The following FANCE variants were observed in gnomAD, a reference collection of about 807,000 sequenced individuals.
FANCE encodes the protein Fanconi anemia group E protein.
FANCE carries 42 observed loss-of-function variants against 57.8 expected under a neutral mutation model. The ratio of observed to expected loss-of-function variants is 0.73; its 90% confidence interval spans 0.57 to 0.94. FANCE has a LOEUF of 0.94. Among genes scored for constraint, FANCE ranks in the 40% least tolerant of loss-of-function variants. FANCE has a pLI of 0.00. For synonymous variants in FANCE, 251 were observed against 286.4 expected (o/e 0.88, Z 1.25); for missense variants, 608 against 661.8 (o/e 0.92, Z 0.89).
chr6:35,452,804 G>A lies in FANCE; in HGVS notation c.248+11G>A. ...CGGCCGTCTGGAGCTGTAAGTCCTC[G>A]CCCGCGGCCCCTTAGCAGGTATGGG... On this transcript the variant is annotated intron_variant, in intron 1 of 9. Coordinates refer to ENST00000229769, the MANE Select transcript of FANCE (RefSeq NM_021922.3). 1 of 1,312,858 alleles carries A rather than the reference G, an allele frequency of 7.6e-7. No homozygotes were observed. The highest frequency in any genetic ancestry group is 9.8e-7 in the Non-Finnish European group (1 of 1,024,492). The allele number at this position is 1,312,858 out of a possible 1,614,324, so 81.3% of individuals were successfully genotyped here.
At chr6:35,460,922 AT>A (rs67491477) in intron 8 of FANCE, among the ~76,000 whole-genome samples, 21,459 of 146,164 alleles carry the variant, frequency 0.15, 2,482 homozygotes, top group African/African-American at 0.32. Context: ...ATGTTCACAA[AT>A]TTTTTTTTTT....
intron 7 of FANCE, 39 bp from the exon 8 acceptor site, chr6:35,460,513 G>T (rs1367299708): frequency 6.3e-7 from 1 of 1,590,856 alleles, no homozygotes; most frequent in African/African-American, 1.3e-5. Context: ...GGCTTGGGTG[G>T]GAGGCCAGGC....
Position 35,460,584 on chromosome 6 carries a change from C to T in FANCE, c.1349C>T (p.Thr450Ile), listed in dbSNP as rs201970876. 130 of 1,614,128 alleles carry T rather than the reference C, an allele frequency of 8.1e-5. No individual in the cohort carries two copies. In the South Asian group the frequency reaches 8.1e-4, roughly 10 times the overall value. ...QILELPWKEE[T>I]FLVLQSLLER... The stretch of plus-strand genomic sequence containing the variant: ...TTGGAGCTGCCCTGGAAGGAGGAAA[C>T]TTTCTTGGTGTTGCAGTCACTCCTA... Residue 450 changes from threonine to isoleucine, a missense_variant, in exon 8 of 10, where the codon ACT becomes ATT. By Grantham distance (89) the Thr-to-Ile change is moderately conservative. Coordinates refer to ENST00000229769, the MANE Select transcript of FANCE (RefSeq NM_021922.3).
At chr6:35,461,927 G>A (rs9462087) in intron 8 of FANCE, among the ~76,000 whole-genome samples, 21,803 of 151,266 alleles carry the variant, frequency 0.14, 2,921 homozygotes, top group African/African-American at 0.36. Context: ...GATTACAGGC[G>A]TGAGCCACCG....
At position 35,458,119 on chromosome 6, in the gene FANCE, G is replaced by T. The variant is rs1433982328; in HGVS notation, c.969+135G>T. The T allele has an allele frequency of 1.6e-5, 19 of 1,193,178 alleles. No individual in the cohort carries two copies. The East Asian group carries it at 4.3e-4, about 27-fold the overall frequency. 73.9% of individuals were successfully genotyped at this position (1,193,178 alleles called of 1,614,324 possible). ...GTTGTTTTCTCTCTCAGCGATAGGG[G>T]TCACCCTGTGTAGTATCTTTTAGCC... On this transcript the variant is annotated intron_variant, in intron 4 of 9. Transcript: ENST00000229769.
chr6:35,461,184 C>T (rs1289347599), intron 8 of FANCE, among the ~76,000 whole-genome samples: 1 of 152,168 alleles, frequency 6.6e-6, no homozygotes, highest in Non-Finnish European at 1.5e-5. Flanking sequence ...GCGTGCGCCA[C>T]CACACCGGCT....
chr6:35,459,597 C>T, intron 6 of FANCE, 85 bp from the exon 7 acceptor site: 1 of 1,560,164 alleles, frequency 6.4e-7, no homozygotes, highest in Non-Finnish European at 8.8e-7. Flanking sequence ...CTGTAACAGG[C>T]TGGGCATTCT....
rs1767165202 is a variant in FANCE, at chr6:35,452,811, G to A, written c.248+18G>A. Reference sequence around the variant, plus strand: ...CTGGAGCTGTAAGTCCTCGCCCGCGGCCCCTTAGCAGGTATGGGAGGCGGG... The same window carrying A: ...CTGGAGCTGTAAGTCCTCGCCCGCGACCCCTTAGCAGGTATGGGAGGCGGG... On this transcript the variant is annotated intron_variant, in intron 1 of 9. Coordinates refer to ENST00000229769, the MANE Select transcript of FANCE (RefSeq NM_021922.3). 2 of 1,312,532 alleles carry A rather than the reference G, an allele frequency of 1.5e-6. No individual in the cohort carries two copies. Among genetic ancestry groups the A allele is most frequent in the South Asian group, 2.0e-5 (1 of 48,862 alleles). 81.3% of individuals were successfully genotyped at this position (1,312,532 alleles called of 1,614,324 possible).
chr6:35,458,661 A>T (rs1409766975), intron 5 of FANCE, among the ~76,000 whole-genome samples: 1 of 147,642 alleles, frequency 6.8e-6, no homozygotes, highest in East Asian at 2.0e-4. Flanking sequence ...TTTTTGAGAG[A>T]GAGTGTCTCA....
chr6:35,467,007 T>C lies in FANCE; in HGVS notation c.*662T>C, dbSNP rs1767863873. 1 of 224,314 alleles carries C rather than the reference T, an allele frequency of 4.5e-6. No homozygotes were observed. Among genetic ancestry groups the C allele is most frequent in the East Asian group, 6.5e-5 (1 of 15,388 alleles). 13.9% of individuals were successfully genotyped at this position (224,314 alleles called of 1,614,324 possible). A position where few individuals can be genotyped will look rare whatever the true frequency, so the allele number is the denominator to read the frequency against. ...GGTCTGGGGTACCAGTGGGCTCAGA[T>C]GAAGCTCTTGTGCTCATGTATATTA... On this transcript the variant is annotated 3_prime_UTR_variant, in exon 10 of 10. Coordinates refer to ENST00000229769, the MANE Select transcript of FANCE (RefSeq NM_021922.3).
intron 7 of FANCE, among the ~76,000 whole-genome samples, chr6:35,460,326 G>C (rs1044662131): frequency 6.6e-6 from 1 of 152,208 alleles, no homozygotes; most frequent in Admixed American, 6.5e-5. Flanking sequence ...ATGTTGGCCA[G>C]GCTGGTCTTG....
At chr6:35,457,482 G>C in intron 2 of FANCE, 74 bp from the exon 3 acceptor site, 20 of 1,553,680 alleles carry the variant, frequency 1.3e-5, no homozygotes, top group Non-Finnish European at 1.7e-5. Context: ...CTTTTCAGTA[G>C]GGGGAGCCAG....
intron 9 of FANCE, 55 bp from the exon 10 acceptor site, chr6:35,466,189 G>A (rs1767828060): frequency 8.7e-7 from 1 of 1,147,412 alleles, no homozygotes; most frequent in South Asian, 1.2e-5. Context: ...GGGGTAGTCG[G>A]GAGACGGGAG....
At chr6:35,457,656 C>A in intron 3 of FANCE, 56 bp downstream of exon 3, 1 of 1,586,106 alleles carries the variant, frequency 6.3e-7, no homozygotes, top group Non-Finnish European at 8.6e-7. Context: ...ACCCAGACCC[C>A]AACTATGCCC....
chr6:35,464,542 AG>A (rs749783604), intron 9 of FANCE, among the ~76,000 whole-genome samples: 3 of 150,206 alleles, frequency 2.0e-5, no homozygotes, highest in Non-Finnish European at 4.5e-5. Context: ...CGGCCGAGAC[AG>A]GGTCTTCTTA....
intron 1 of FANCE, 91 bp from the exon 2 acceptor site, chr6:35,455,656 T>A: frequency 6.6e-7 from 1 of 1,506,940 alleles, no homozygotes; most frequent in African/African-American, 1.4e-5. Context: ...CCCCCATCTG[T>A]CCACCGCCAT....
intron 5 of FANCE, 65 bp from the exon 6 acceptor site, chr6:35,459,266 C>T: frequency 6.3e-7 from 1 of 1,592,460 alleles, no homozygotes; most frequent in South Asian, 1.1e-5. Context: ...CTGAAATGTG[C>T]ATTTGATAAA....
rs1561787267 is a variant in FANCE, at chr6:35,452,778, A to G, written c.233A>G (p.Asp78Gly). The change falls in exon 1 of 10, where the codon GAC (aspartate) becomes GGC (glycine). Residue 78 changes from aspartate to glycine, a missense_variant. Asp to Gly is a moderately conservative substitution (Grantham distance 94). Transcript: ENST00000229769. ...CREEPVVQGP[D>G]GRLELKPLLL... is the part of the protein sequence containing the mutation. ...GAGGAGCCGGTCGTGCAGGGGCCTG[A>G]CGGCCGTCTGGAGCTGTAAGTCCTC... 3 of 1,303,780 alleles carry G rather than the reference A, an allele frequency of 2.3e-6. No individual in the cohort carries two copies. Among genetic ancestry groups the G allele is most frequent in the Non-Finnish European group, 2.9e-6 (3 of 1,021,044 alleles). 80.8% of individuals were successfully genotyped at this position (1,303,780 alleles called of 1,614,324 possible).
chr6:35,461,650 C>CTT (rs71540107), intron 8 of FANCE, among the ~76,000 whole-genome samples: 293 of 140,820 alleles, frequency 2.1e-3, no homozygotes, highest in African/African-American at 6.4e-3. Flanking sequence ...GACCTAACTT[C>CTT]TTTTTTTTTT....
Sources: gnomAD v4.1 joint callset for allele counts (sites outside exome capture counted in the v4.1 genomes callset) on GRCh38, gnomAD v4.1.1 for gene constraint, MANE v1.5 for transcripts, NCBI Gene and HGNC (gene_info 2026-07-23, HGNC 2026-07-21) for gene names.